Variants in BTBD10 observed in about 807,000 individuals in gnomAD.
The protein encoded by BTBD10 is BTB/POZ domain-containing protein 10.
Under a neutral mutation model 53.2 loss-of-function variants are expected in BTBD10, and 21 were observed. The ratio of observed to expected loss-of-function variants is 0.39; its 90% CI spans 0.28 to 0.57. The LOEUF (loss-of-function observed/expected upper bound fraction) is 0.57, where lower values mean the gene tolerates loss of function less well. Among genes scored for constraint, BTBD10 ranks in the 20% least tolerant of loss-of-function variants. The pLI is 0.53. For synonymous variants in BTBD10, 149 were observed against 192.7 expected (o/e 0.77, Z 1.88); for missense variants, 360 against 594.7 (o/e 0.61, Z 4.10).
At chr11:13,407,983 T>A (rs1651234630) in intron 6 of BTBD10, among the ~76,000 whole-genome samples, 1 of 152,294 alleles carries the variant, frequency 6.6e-6, no homozygotes, top group Non-Finnish European at 1.5e-5. Context: ...ATCCCAGTCC[T>A]GGCACCAGAC....
chr11:13,412,187 C>T (rs1949968841), intron 6 of BTBD10, among the ~76,000 whole-genome samples: 1 of 152,062 alleles, frequency 6.6e-6, no homozygotes. Flanking sequence ...GGCACAGTGG[C>T]TCACACCTGT....
At chr11:13,391,852 G>A (rs1949415411) in intron 8 of BTBD10, among the ~76,000 whole-genome samples, 1 of 152,222 alleles carries the variant, frequency 6.6e-6, no homozygotes, top group Non-Finnish European at 1.5e-5. Context: ...GCTGAGACAG[G>A]AGAATCACTT....
intron 2 of BTBD10, chr11:13,440,005 G>T: frequency 6.5e-7 from 1 of 1,534,380 alleles, no homozygotes. Context: ...GCATCCTTGG[G>T]CATTACTAGG....
At chr11:13,419,338 T>C in intron 4 of BTBD10, 122 bp downstream of exon 4, 1 of 1,295,602 alleles carries the variant, frequency 7.7e-7, no homozygotes, top group South Asian at 1.5e-5. Context: ...AGCTCAGTTC[T>C]TTCATCTGTA....
intron 8 of BTBD10, among the ~76,000 whole-genome samples, chr11:13,402,567 T>G (rs563013052): frequency 6.6e-6 from 1 of 152,274 alleles, no homozygotes; most frequent in South Asian, 2.1e-4. Context: ...TTAAGACACT[T>G]TGTTCCTCTT....
chr11:13,445,643 T>C (rs1272868121), intron 1 of BTBD10, among the ~76,000 whole-genome samples: 1 of 152,198 alleles, frequency 6.6e-6, no homozygotes, highest in Non-Finnish European at 1.5e-5. Flanking sequence ...GATTATTCCT[T>C]TAACGAAGTT....
In BTBD10 at chr11:13,419,719, G is replaced by A. The variant is rs774853565; in HGVS notation, c.325C>T (p.Arg109Cys). ...TTTTGAGGACGCGGACTGCTTGGAC[G>A]AGAGGAACTGTGATCTTTTTCTCGT... ...VEREKDHSSS[R>C]PSSPRPQKAS... Residue 109 changes from arginine to cysteine, a missense_variant, in exon 4 of 9, where the codon CGT becomes TGT. By Grantham distance (180) the Arg-to-Cys change is radical (BLOSUM62 -3). This residue lies in a region of BTBD10 where 109 missense variants were observed against 118.6 expected (regional missense o/e 0.92). Transcript: ENST00000278174. 2.4e-5 allele frequency: 39 copies of A among 1,598,342 alleles called. No individual in the cohort carries two copies. The highest frequency in any genetic ancestry group is 3.1e-5 in the Non-Finnish European group (36 of 1,172,788).
intron 8 of BTBD10, among the ~76,000 whole-genome samples, chr11:13,397,947 G>T (rs1949599998): frequency 6.6e-6 from 1 of 152,198 alleles, no homozygotes; most frequent in African/African-American, 2.4e-5. Flanking sequence ...TTGCTGAGGA[G>T]TGCTTTACTT....
chr11:13,404,176 A>G (rs953398352), intron 7 of BTBD10, among the ~76,000 whole-genome samples: 5 of 152,200 alleles, frequency 3.3e-5, no homozygotes, highest in Admixed American at 2.0e-4. Context: ...GATAAAGATT[A>G]TTTTAGATCT....
intron 6 of BTBD10, among the ~76,000 whole-genome samples, chr11:13,413,061 T>C (rs1380347181): frequency 6.6e-6 from 1 of 152,198 alleles, no homozygotes; most frequent in African/African-American, 2.4e-5. Context: ...TATGTATACA[T>C]GAGGGCTAGA....
At chr11:13,389,221 CTATAGATCCT>C in intron 8 of BTBD10, 80 bp from the exon 9 acceptor site, 1 of 1,163,446 alleles carries the variant, frequency 8.6e-7, no homozygotes. Context: ...AGCTTTTCTG[CTATAGATCCT>C]AAAGAAACAA....
chr11:13,426,702 A>G (rs776012132), intron 2 of BTBD10, among the ~76,000 whole-genome samples: 1 of 152,132 alleles, frequency 6.6e-6, no homozygotes, highest in African/African-American at 2.4e-5. Flanking sequence ...AACCACTAAT[A>G]TAAGAAAACA....
intron 4 of BTBD10, among the ~76,000 whole-genome samples, chr11:13,418,822 T>C (rs1233587509): frequency 1.3e-5 from 2 of 152,132 alleles, no homozygotes; most frequent in Admixed American, 1.3e-4. Context: ...AGTTTGGACA[T>C]GGTGAAAAAT....
At chr11:13,434,255 T>G (rs190917962) in intron 2 of BTBD10, among the ~76,000 whole-genome samples, 4 of 152,176 alleles carry the variant, frequency 2.6e-5, no homozygotes, top group Non-Finnish European at 5.9e-5. Flanking sequence ...TGAAGTCACA[T>G]GAAGACCCAG....
chr11:13,413,483 T>C (rs200545635), intron 6 of BTBD10, 47 bp downstream of exon 6: 185 of 1,535,508 alleles, frequency 1.2e-4, no homozygotes, highest in Non-Finnish European at 1.6e-4. Flanking sequence ...TTTGTTCCAA[T>C]ATATTCTAAT....
chr11:13,420,558 C>G (rs1950224227), intron 3 of BTBD10, among the ~76,000 whole-genome samples: 1 of 152,126 alleles, frequency 6.6e-6, no homozygotes, highest in Non-Finnish European at 1.5e-5. Flanking sequence ...CATTTAGAGA[C>G]TAGATCACTA....
chr11:13,451,103 A>C (rs903098287), intron 1 of BTBD10, among the ~76,000 whole-genome samples: 2 of 152,194 alleles, frequency 1.3e-5, no homozygotes, highest in Non-Finnish European at 1.5e-5. Flanking sequence ...AGAAAAGTGC[A>C]GGCCCAAAAT....
chr11:13,413,848 CAAA>C, intron 5 of BTBD10, among the ~76,000 whole-genome samples, 198 bp from the exon 6 acceptor site: 1 of 152,212 alleles, frequency 6.6e-6, no homozygotes, highest in South Asian at 2.1e-4. Context: ...AATTCAGGTC[CAAA>C]TGAATTCACC....
chr11:13,421,500 A>C (rs756672117), intron 3 of BTBD10, 142 bp downstream of exon 3: 6 of 642,866 alleles, frequency 9.3e-6, no homozygotes, highest in Non-Finnish European at 1.4e-5. Context: ...CCAAGAACCA[A>C]GCTCAACTAA....
Sources: allele counts gnomAD v4.1 joint callset (sites outside exome capture counted in the v4.1 genomes callset), GRCh38; gene constraint gnomAD v4.1.1; regional missense constraint gnomAD v4.1.1; transcripts MANE v1.5; gene names NCBI Gene and HGNC (gene_info 2026-07-23, HGNC 2026-07-21).